The following KDM5B variants were observed in gnomAD, a reference collection of about 807,000 sequenced individuals.
The protein encoded by KDM5B is lysine demethylase 5B.
A neutral mutation model predicts 193.4 loss-of-function variants in KDM5B; 144 were observed. That is an observed-to-expected ratio of 0.74 (90% CI 0.65 to 0.86). The LOEUF (loss-of-function observed/expected upper bound fraction) is 0.86. Among genes scored for constraint, KDM5B ranks in the 40% least tolerant of loss-of-function variants. The pLI, the probability that KDM5B is intolerant of heterozygous loss-of-function variation, is 0.00. For missense variants in KDM5B, 1,833 were observed against 1,886.9 expected, an observed-to-expected ratio of 0.97 and a Z score of 0.53; for synonymous variants, 668 against 682.6, an observed-to-expected ratio of 0.98 and a Z score of 0.33.
rs370724142 is a variant in KDM5B at position 202,808,070 on chromosome 1, C to T, written c.204+32G>A. On this transcript the variant is annotated intron_variant, in intron 1 of 26. Transcript: ENST00000367265. The stretch of plus-strand genomic sequence containing the variant: ...GCGTCCCCGCTCCCTCCCCCAGCCA[C>T]GAGCTGGATCCGGGGTGCTGGCGTG... The T allele has an allele frequency of 6.9e-6, 11 of 1,599,070 alleles. No individual in the cohort carries two copies. In the Admixed American group the frequency reaches 8.5e-5, roughly 12 times the overall value.
intron 3 of KDM5B, among the ~76,000 whole-genome samples, chr1:202,773,902 T>C (rs977444163): frequency 6.6e-6 from 1 of 151,944 alleles, no homozygotes; most frequent in Non-Finnish European, 1.5e-5. Context: ...CACACCCAGC[T>C]AATTTTGTAT....
Position 202,749,018 on chromosome 1 carries a change from GCCACTA to G in KDM5B, c.1937_1942del (p.Val646_Val647del). ...GGCCATGTCTTTCTGAACAGTTGAA[GCCACTA>G]CAACATCTAATACATCAGCCTTGGA... is the stretch of plus-strand genomic sequence containing the variant. On this transcript the variant is annotated inframe_deletion, in exon 14 of 27. Transcript: ENST00000367265. The G allele has an allele frequency of 6.2e-7, 1 of 1,614,014 alleles. No individual in the cohort carries two copies. Among genetic ancestry groups the G allele is most frequent in the Non-Finnish European group, 8.5e-7 (1 of 1,179,994 alleles).
Position 202,756,451 on chromosome 1 carries a change from G to A in KDM5B, c.1263C>T (p.Val421=), listed in dbSNP as rs778599118. Residue 421 remains valine, a synonymous_variant, in exon 10 of 27, where the codon GTC becomes GTT. Coordinates refer to ENST00000367265, the MANE Select transcript of KDM5B (RefSeq NM_006618.5). ...WRLVSTIEED[V]TVEYGADIAS... is the part of the protein sequence containing the mutation. ...CAATGTCAGCTCCATATTCCACTGT[G>A]ACATCCTCCTCAATAGTGCTTACTA... The A allele has an allele frequency of 6.2e-7, 1 of 1,613,258 alleles. No individual in the cohort carries two copies. The highest frequency in any genetic ancestry group is 1.1e-5 in the South Asian group (1 of 91,000).
At chr1:202,790,202 G>A in intron 1 of KDM5B, among the ~76,000 whole-genome samples, 1 of 151,480 alleles carries the variant, frequency 6.6e-6, no homozygotes, top group Middle Eastern at 3.2e-3. Flanking sequence ...GGTAAAGGTT[G>A]CGGTAAGCCG....
chr1:202,796,882 C>T (rs141302860), intron 1 of KDM5B: 3 of 152,662 alleles, frequency 2.0e-5, no homozygotes, highest in Admixed American at 6.5e-5. Flanking sequence ...AGGCCACACT[C>T]GGAGTGATGG....
Position 202,773,308 on chromosome 1 carries a change from A to C in KDM5B, c.406-20T>G. The C allele has an allele frequency of 6.2e-7, 1 of 1,609,734 alleles. No homozygotes were observed. The highest frequency in any genetic ancestry group is 1.3e-5 in the African/African-American group (1 of 74,932). Reference sequence around the variant, plus strand: ...AACTAACTGTTAAAATAGCAAAATTAGAAACAACTATATGGAAGTCACTTC... The same window carrying C: ...AACTAACTGTTAAAATAGCAAAATTCGAAACAACTATATGGAAGTCACTTC... On this transcript the variant is annotated intron_variant, in intron 3 of 26. Transcript: ENST00000367265.
chr1:202,756,399 G>T lies in KDM5B; in HGVS notation c.1315C>A (p.Pro439Thr). Reference sequence around the variant, plus strand: ...AGTTTGATTTTCCCATCTCGGACAGGAAAGCCACTGCCAAATTCCTTTGAG... The same window carrying T: ...AGTTTGATTTTCCCATCTCGGACAGTAAAGCCACTGCCAAATTCCTTTGAG... ...IASKEFGSGF[P>T]VRDGKIKLSP... Residue 439 changes from proline (P) to threonine (T), a missense_variant, in exon 10 of 27, where the codon CCT (proline) becomes ACT (threonine). By Grantham distance (38) the Pro-to-Thr change is conservative. This residue lies in a region of KDM5B where 1,379 missense variants were observed against 1,349.6 expected (regional missense o/e 1.02). Coordinates refer to ENST00000367265, the MANE Select transcript of KDM5B (RefSeq NM_006618.5). The T allele has an allele frequency of 6.2e-7, 1 of 1,613,104 alleles. No homozygotes were observed. Among genetic ancestry groups the T allele is most frequent in the South Asian group, 1.1e-5 (1 of 90,960 alleles).
intron 1 of KDM5B, among the ~76,000 whole-genome samples, chr1:202,789,192 C>T (rs1276129696): frequency 6.6e-6 from 1 of 152,032 alleles, no homozygotes; most frequent in African/African-American, 2.4e-5. Flanking sequence ...GTGTCAATAT[C>T]CCATCTAAAG....
intron 16 of KDM5B, among the ~76,000 whole-genome samples, chr1:202,744,967 C>G (rs1655494246): frequency 6.6e-6 from 1 of 152,102 alleles, no homozygotes; most frequent in Non-Finnish European, 1.5e-5. Context: ...TACTATGCAG[C>G]CATAAAAAAG....
intron 1 of KDM5B, among the ~76,000 whole-genome samples, chr1:202,794,451 T>C (rs1381841876): frequency 6.6e-6 from 1 of 152,364 alleles, no homozygotes; most frequent in East Asian, 1.9e-4. Flanking sequence ...GTTTAGGCTT[T>C]AGTTCTCTGA....
At chr1:202,745,743 G>A (rs184587982) in intron 16 of KDM5B, 115 bp downstream of exon 16, 52 of 1,186,582 alleles carry the variant, frequency 4.4e-5, no homozygotes, top group Non-Finnish European at 5.9e-5. Flanking sequence ...TATGTAGAGG[G>A]GCTAACCAAG....
At chr1:202,808,070 C>A (rs370724142) in intron 1 of KDM5B, 32 bp downstream of exon 1, 2 of 1,599,178 alleles carry the variant, frequency 1.3e-6, no homozygotes, top group Non-Finnish European at 1.7e-6. Flanking sequence ...CCCCCAGCCA[C>A]GAGCTGGATC....
rs537311285 is a variant in KDM5B at position 202,735,877 on chromosome 1, G to C, written c.3265-290C>G. Among the ~76,000 whole-genome samples the C allele has an allele frequency of 3.9e-5, 6 of 152,162 alleles. 1 individual carries two copies. The highest frequency in any genetic ancestry group is 8.8e-5 in the Non-Finnish European group (6 of 68,026). On this transcript the variant is annotated intron_variant, in intron 21 of 26. Coordinates refer to ENST00000367265, the MANE Select transcript of KDM5B (RefSeq NM_006618.5). Reference sequence around the variant, plus strand: ...GTTTACAGAAAATACAAAAAGTGCAGTTAAAGCACTTTTAAAAAATGGGGG... The same window carrying C: ...GTTTACAGAAAATACAAAAAGTGCACTTAAAGCACTTTTAAAAAATGGGGG...
chr1:202,779,904 G>A (rs907216227), intron 1 of KDM5B, among the ~76,000 whole-genome samples: 3 of 151,788 alleles, frequency 2.0e-5, no homozygotes, highest in Non-Finnish European at 4.4e-5. Flanking sequence ...CATTACATTA[G>A]GAATGTACGA....
At chr1:202,803,746 G>C (rs1044792025) in intron 1 of KDM5B, among the ~76,000 whole-genome samples, 1 of 151,850 alleles carries the variant, frequency 6.6e-6, no homozygotes, top group African/African-American at 2.4e-5. Context: ...TTGAACCCGG[G>C]AGGCGGATGT....
chr1:202,753,664 G>GTTTTTTT lies in KDM5B; in HGVS notation c.1539-604_1539-598dup, dbSNP rs771281999. On this transcript the variant is annotated intron_variant, in intron 11 of 26. Transcript: ENST00000367265. ...CTAGAATTTCTCTTTTGTTGTTGTTGTTTTTTTTTTGTTTTTTTTTTTTGA... is the reference window on the plus strand; with the variant it reads ...CTAGAATTTCTCTTTTGTTGTTGTTGTTTTTTTTTTTTTTTTTGTTTTTTTTTTTTGA... Among the ~76,000 whole-genome samples, 16 of 105,820 alleles carry GTTTTTTT rather than the reference G, an allele frequency of 1.5e-4. 1 individual carries two copies. The highest frequency in any genetic ancestry group is 1.4e-4 in the Non-Finnish European group (7 of 48,734). The allele number at this position is 105,820 out of a possible 152,430, so 69.4% of individuals were successfully genotyped here.
At chr1:202,778,745 C>G (rs2102307498) in intron 1 of KDM5B, among the ~76,000 whole-genome samples, 1 of 152,316 alleles carries the variant, frequency 6.6e-6, no homozygotes, top group East Asian at 1.9e-4. Flanking sequence ...GCCTCAGCCT[C>G]CCGAGTAGCT....
At chr1:202,777,583 T>C in intron 1 of KDM5B, among the ~76,000 whole-genome samples, 1 of 152,044 alleles carries the variant, frequency 6.6e-6, no homozygotes, top group East Asian at 1.9e-4. Flanking sequence ...AACCTCTGCC[T>C]CCTGAGCTCA....
At chr1:202,762,677 G>A (rs755770985) in intron 7 of KDM5B, 22 bp downstream of exon 7, 4 of 1,304,362 alleles carry the variant, frequency 3.1e-6, no homozygotes, top group Non-Finnish European at 4.5e-6. Flanking sequence ...AAAGAAAAAG[G>A]AGAAAGGGAG....
Sources: allele counts gnomAD v4.1 joint callset (sites outside exome capture counted in the v4.1 genomes callset), GRCh38; gene constraint gnomAD v4.1.1; regional missense constraint gnomAD v4.1.1; transcripts MANE v1.5; gene names NCBI Gene and HGNC (gene_info 2026-07-23, HGNC 2026-07-21).